NFU1: variants seen among roughly 807,000 people sequenced by gnomAD.
NFU1 encodes NFU1 iron-sulfur cluster scaffold homolog, mitochondrial.
In NFU1, 30 loss-of-function variants were observed where a neutral mutation model predicts 32.2. The observed-to-expected ratio is 0.93, with a 90% CI of 0.70 to 1.26. The LOEUF (loss-of-function observed/expected upper bound fraction) is 1.26, where lower values mean the gene tolerates loss of function less well. Among genes scored for constraint, NFU1 ranks in the 50% most tolerant of loss-of-function variants. The pLI, the probability that NFU1 is intolerant of heterozygous loss-of-function variation, is 0.00. For missense variants in NFU1, 306 were observed against 306.6 expected (o/e 1.00, Z 0.02); for synonymous variants, 112 against 104.6 (o/e 1.07, Z -0.43).
At chr2:69,433,003 A>T (rs1310598030) in intron 1 of NFU1, among the ~76,000 whole-genome samples, 1 of 151,706 alleles carries the variant, frequency 6.6e-6, no homozygotes, top group Non-Finnish European at 1.5e-5. Flanking sequence ...TACAAAAAAT[A>T]GCTGGGAGTG....
chr2:69,433,940 G>GTT (rs57285184), intron 1 of NFU1, among the ~76,000 whole-genome samples: 144 of 139,950 alleles, frequency 1.0e-3, no homozygotes, highest in African/African-American at 2.7e-3. Flanking sequence ...TGCCCAGCTA[G>GTT]TTTTTTTTTT....
At chr2:69,405,155 G>C (rs1366584149) in intron 6 of NFU1, among the ~76,000 whole-genome samples, 2 of 152,046 alleles carry the variant, frequency 1.3e-5, no homozygotes, top group African/African-American at 4.8e-5. Context: ...GCTGAATCTG[G>C]AGAACCGCTT....
At position 69,415,208 on chromosome 2, in the gene NFU1, T is replaced by C; in HGVS notation, c.461A>G (p.Glu154Gly). 2 of 1,608,820 alleles carry C rather than the reference T, an allele frequency of 1.2e-6. No individual in the cohort carries two copies. The highest frequency in any genetic ancestry group is 4.5e-5 in the East Asian group (2 of 44,846). Residue 154 changes from glutamate (E) to glycine (G), a missense_variant, in exon 5 of 8, where the codon GAG becomes GGG. Coordinates refer to ENST00000410022, the MANE Select transcript of NFU1 (RefSeq NM_001002755.4). ...FFASGLPLVT[E>G]ETPSGEAGSE... ...ACCTGCTTCTCCTGAAGGTGTTTCC[T>C]CAGTAACCAGGGGTAAGCCAGATGC...
chr2:69,437,442 G>A (rs569741674), upstream of NFU1: 67 of 1,608,990 alleles, frequency 4.2e-5, no homozygotes, highest in South Asian at 6.2e-4. Context: ...GAGTGCCTAA[G>A]GGTCTCCCTG....
upstream of NFU1, chr2:69,437,515 A>G (rs778064593): frequency 9.5e-6 from 14 of 1,470,552 alleles, no homozygotes; most frequent in South Asian, 1.4e-4. Flanking sequence ...CACTGGGAAG[A>G]GCCCACCCTA....
intron 1 of NFU1, among the ~76,000 whole-genome samples, chr2:69,433,089 GCAGTGAGCCGAGATCGT>G (rs1673700946): frequency 5.3e-5 from 1 of 19,038 alleles, no homozygotes; most frequent in Non-Finnish European, 9.2e-5. Context: ...GGCGTAGGTT[GCAGTGAGCCGAGATCGT>G]GCCACTGCAC....
rs150759817 is a variant in NFU1 at position 69,397,264 on chromosome 2, A to T, written c.721-974T>A. Among the ~76,000 whole-genome samples the T allele has an allele frequency of 3.6e-3, 542 of 152,288 alleles. 5 individuals carry two copies. Among genetic ancestry groups the T allele is most frequent in the South Asian group, 0.021 (99 of 4,828 alleles). ...AGTGAAAAACAAAACAAAACAAAAA[A>T]ACCCCACCATATTAGGAACTAATTA... is the stretch of plus-strand genomic sequence containing the variant. On this transcript the variant is annotated intron_variant, in intron 7 of 7. Transcript: ENST00000410022.
intron 2 of NFU1, among the ~76,000 whole-genome samples, chr2:69,427,069 AAAGAAAG>A (rs1673482300): frequency 4.7e-5 from 1 of 21,076 alleles, no homozygotes; most frequent in African/African-American, 7.0e-4. Flanking sequence ...CAAAAAAAAA[AAAGAAAG>A]AAAGAAAGAA....
chr2:69,417,943 A>G (rs969973439), intron 4 of NFU1, among the ~76,000 whole-genome samples: 26 of 152,102 alleles, frequency 1.7e-4, no homozygotes, highest in African/African-American at 6.3e-4. Context: ...ACGTAAAAGA[A>G]CTAAATAACT....
At chr2:69,434,845 G>A (rs1055933399) in intron 1 of NFU1, among the ~76,000 whole-genome samples, 3 of 152,202 alleles carry the variant, frequency 2.0e-5, no homozygotes, top group Non-Finnish European at 4.4e-5. Flanking sequence ...CTGAGGCTAG[G>A]GGTTTTCAAG....
chr2:69,397,618 T>TAAAA (rs34318442), intron 7 of NFU1, among the ~76,000 whole-genome samples: 123 of 150,892 alleles, frequency 8.2e-4, no homozygotes, highest in East Asian at 7.2e-3. Flanking sequence ...TTTTTTTTTT[T>TAAAA]AAAAAAAATC....
intron 3 of NFU1, among the ~76,000 whole-genome samples, chr2:69,423,243 A>AGT (rs772105664): frequency 0.091 from 7,978 of 87,574 alleles, 527 homozygotes; most frequent in East Asian, 0.15. Flanking sequence ...TCTCTGTGTG[A>AGT]GTGTGTGTGT....
At chr2:69,418,550 T>C (rs1054130576) in intron 4 of NFU1, among the ~76,000 whole-genome samples, 2 of 152,102 alleles carry the variant, frequency 1.3e-5, no homozygotes, top group South Asian at 2.1e-4. Context: ...CACTGCAAGC[T>C]CCGCCTCCCG....
intron 7 of NFU1, among the ~76,000 whole-genome samples, chr2:69,399,902 C>T (rs1332229610): frequency 1.3e-5 from 2 of 149,566 alleles, no homozygotes; most frequent in Non-Finnish European, 3.0e-5. Flanking sequence ...GACGGAGTTT[C>T]GCTTTTGTTG....
rs530195080 is a variant in NFU1 at position 69,424,433 on chromosome 2, C to A, written c.167-716G>T. ...CCTCAAAAGTATCTGGGACTACAGGCGTGCACCATCAGACCTAGTTAATAT... is the reference window on the plus strand; with the variant it reads ...CCTCAAAAGTATCTGGGACTACAGGAGTGCACCATCAGACCTAGTTAATAT... On this transcript the variant is annotated intron_variant, in intron 2 of 7. Transcript: ENST00000410022. Among the ~76,000 whole-genome samples the A allele has an allele frequency of 3.3e-5, 5 of 151,602 alleles. No homozygotes were observed. The South Asian group carries it at 1.0e-3, about 31-fold the overall frequency.
chr2:69,432,047 T>G, intron 1 of NFU1, 42 bp from the exon 2 acceptor site: 10 of 1,328,526 alleles, frequency 7.5e-6, no homozygotes, highest in East Asian at 2.3e-5. Context: ...TTAAGAGCTC[T>G]AATCTTTTAA....
intron 2 of NFU1, 69 bp from the exon 3 acceptor site, chr2:69,423,786 C>A (rs1673348711): frequency 1.7e-6 from 2 of 1,154,368 alleles, no homozygotes; most frequent in Non-Finnish European, 2.5e-6. Context: ...CTATGAAGTG[C>A]TCATTTGCAG....
chr2:69,402,966 T>TTTCTC (rs138732658), intron 6 of NFU1, among the ~76,000 whole-genome samples: 1 of 149,898 alleles, frequency 6.7e-6, no homozygotes, highest in South Asian at 2.1e-4. Context: ...TTTCTTTCCT[T>TTTCTC]TTCTCTTCTC....
intron 1 of NFU1, among the ~76,000 whole-genome samples, chr2:69,435,067 C>T (rs751232633): frequency 4.6e-5 from 7 of 152,152 alleles, no homozygotes; most frequent in Non-Finnish European, 1.0e-4. Flanking sequence ...CTCTTAGGAC[C>T]GCCAGAATAA....
Sources: gnomAD v4.1 joint callset for allele counts (sites outside exome capture counted in the v4.1 genomes callset) on GRCh38, gnomAD v4.1.1 for gene constraint, MANE v1.5 for transcripts, NCBI Gene and HGNC (gene_info 2026-07-23, HGNC 2026-07-21) for gene names.